The following PNPLA8 variants were observed in gnomAD, a reference collection of about 807,000 sequenced individuals.
PNPLA8 encodes calcium-independent phospholipase A2-gamma.
A neutral mutation model predicts 76.9 loss-of-function variants in PNPLA8; 39 were observed. That is an observed-to-expected ratio of 0.51 (90% CI 0.39 to 0.66). PNPLA8 has a LOEUF of 0.66. Among genes scored for constraint, PNPLA8 ranks in the 30% least tolerant of loss-of-function variants. The pLI, the probability that PNPLA8 is intolerant of heterozygous loss-of-function variation, is 0.00. For synonymous variants in PNPLA8, 301 were observed against 307.9 expected (o/e 0.98, Z 0.24); for missense variants, 887 against 918.0 (o/e 0.97, Z 0.44).
chr7:108,481,563 T>A (rs1056340738), intron 9 of PNPLA8, among the ~76,000 whole-genome samples: 2 of 152,238 alleles, frequency 1.3e-5, no homozygotes, highest in African/African-American at 4.8e-5. Flanking sequence ...GAGAGTTTCT[T>A]ATATATTCTA....
intron 8 of PNPLA8, among the ~76,000 whole-genome samples, chr7:108,489,994 C>G (rs1598893276): frequency 6.6e-6 from 1 of 152,152 alleles, no homozygotes; most frequent in African/African-American, 2.4e-5. Context: ...CATTGCATAT[C>G]AATGTTTTGG....
intron 8 of PNPLA8, among the ~76,000 whole-genome samples, chr7:108,490,323 C>G (rs1239790253): frequency 6.6e-6 from 1 of 152,014 alleles, no homozygotes. Flanking sequence ...ACCATTTAGC[C>G]TACATGTGTA....
Position 108,496,710 on chromosome 7 carries a change from T to G in PNPLA8, c.1499A>C (p.Asp500Ala). ...TTTTCGATAAAGTTCCTCACATTCA[T>G]CCAAGGGCATATGAAACAACCCCAA... ...FMLGLFHMPL[D>A]ECEELYRKLG... is the part of the protein sequence containing the mutation. Residue 500 changes from aspartate (D) to alanine (A), a missense_variant, in exon 7 of 11, where the codon GAT becomes GCT. Coordinates refer to ENST00000257694, the MANE Select transcript of PNPLA8 (RefSeq NM_001256007.3). 6.2e-7 allele frequency: 1 copy of G among 1,611,266 alleles called. No homozygotes were observed. Among genetic ancestry groups the G allele is most frequent in the Non-Finnish European group, 8.5e-7 (1 of 1,178,798 alleles).
At chr7:108,474,511 G>C (rs1270599642) in intron 10 of PNPLA8, among the ~76,000 whole-genome samples, 1 of 152,204 alleles carries the variant, frequency 6.6e-6, no homozygotes, top group Non-Finnish European at 1.5e-5. Flanking sequence ...TAGAATAAGT[G>C]AGTTTAGCAA....
At chr7:108,520,949 A>G (rs1863691595) in intron 2 of PNPLA8, among the ~76,000 whole-genome samples, 1 of 152,164 alleles carries the variant, frequency 6.6e-6, no homozygotes, top group African/African-American at 2.4e-5. Flanking sequence ...CTCAAAGTCA[A>G]CAGTAAAAAA....
intron 7 of PNPLA8, among the ~76,000 whole-genome samples, chr7:108,496,110 G>T (rs886712561): frequency 6.6e-6 from 1 of 152,104 alleles, no homozygotes; most frequent in African/African-American, 2.4e-5. Flanking sequence ...TGGTGCACAC[G>T]TGTGGTCCCA....
At chr7:108,505,258 G>C (rs1862259075) in intron 4 of PNPLA8, among the ~76,000 whole-genome samples, 1 of 119,300 alleles carries the variant, frequency 8.4e-6, no homozygotes, top group Admixed American at 9.7e-5. Flanking sequence ...AGATAGAAGA[G>C]TAAAAGGCAA....
At chr7:108,506,424 G>A (rs1338596892) in intron 4 of PNPLA8, among the ~76,000 whole-genome samples, 2 of 151,648 alleles carry the variant, frequency 1.3e-5, no homozygotes, top group African/African-American at 4.8e-5. Context: ...GTAGAACACA[G>A]AGGCCTCATA....
chr7:108,490,590 T>C (rs1861081651), intron 8 of PNPLA8, among the ~76,000 whole-genome samples: 1 of 152,010 alleles, frequency 6.6e-6, no homozygotes, highest in Non-Finnish European at 1.5e-5. Context: ...GAGACTATCC[T>C]GGCTAACATG....
At chr7:108,479,857 T>C (rs1326565209) in intron 9 of PNPLA8, among the ~76,000 whole-genome samples, 1 of 152,116 alleles carries the variant, frequency 6.6e-6, no homozygotes, top group Non-Finnish European at 1.5e-5. Flanking sequence ...ATAACGTAAA[T>C]AACAGAATAA....
intron 4 of PNPLA8, among the ~76,000 whole-genome samples, chr7:108,505,330 ATATATATATATATATATATATATTTTTT>A (rs1862299784): frequency 1.9e-4 from 1 of 5,218 alleles, no homozygotes; most frequent in African/African-American, 9.6e-4. Context: ...ATATATATAT[ATATATATATATATATATATATATTTTTT>A]TTTTTTTTTT....
chr7:108,514,729 C>T lies in PNPLA8; in HGVS notation c.763G>A (p.Ala255Thr). 4 of 1,613,736 alleles carry T rather than the reference C, an allele frequency of 2.5e-6. No homozygotes were observed. Among genetic ancestry groups the T allele is most frequent in the Non-Finnish European group, 2.5e-6 (3 of 1,179,728 alleles). Reference protein sequence around the residue: ...KLRSPDPGILAYKPGSESVHT... With the variant: ...KLRSPDPGILTYKPGSESVHT... ...ACAGATTCTGAGCCTGGCTTATAAG[C>T]CAGGATGCCAGGATCTGGAGATCTT... is the stretch of plus-strand genomic sequence containing the variant. The change falls in exon 3 of 11, where the codon GCT (alanine) becomes ACT (threonine). Residue 255 changes from alanine (A) to threonine (T), a missense_variant. Transcript: ENST00000257694.
intron 10 of PNPLA8, 24 bp downstream of exon 10, chr7:108,479,160 T>C: frequency 1.9e-6 from 3 of 1,558,018 alleles, no homozygotes; most frequent in Non-Finnish European, 1.8e-6. Context: ...GTTGAAGTAT[T>C]TTAAAGCAGC....
Position 108,515,524 on chromosome 7 carries a change from T to C in PNPLA8, c.-33A>G. ...AAATCATTTATTTTCTATGACATTCTCTCACTTCTTGAACGCTTCATTTAA... is the reference window on the plus strand; with the variant it reads ...AAATCATTTATTTTCTATGACATTCCCTCACTTCTTGAACGCTTCATTTAA... On this transcript the variant is annotated 5_prime_UTR_variant, in exon 3 of 11. Transcript: ENST00000257694. 1 of 1,359,570 alleles carries C rather than the reference T, an allele frequency of 7.4e-7. No individual in the cohort carries two copies. Among genetic ancestry groups the C allele is most frequent in the Non-Finnish European group, 9.5e-7 (1 of 1,050,968 alleles). 84.2% of individuals were successfully genotyped at this position (1,359,570 alleles called of 1,614,324 possible).
intron 10 of PNPLA8, among the ~76,000 whole-genome samples, chr7:108,475,110 C>T (rs534059694): frequency 2.0e-5 from 3 of 152,128 alleles, no homozygotes; most frequent in Non-Finnish European, 2.9e-5. Context: ...ATCTAGGTTG[C>T]GTGCTCCTTA....
At chr7:108,525,288 A>G (rs1563998898) in intron 1 of PNPLA8, among the ~76,000 whole-genome samples, 1 of 152,224 alleles carries the variant, frequency 6.6e-6, no homozygotes, top group Non-Finnish European at 1.5e-5. Context: ...GTCATTTTTG[A>G]ACTCTCAGAA....
chr7:108,502,348 C>A (rs1322866908), intron 5 of PNPLA8, 143 bp downstream of exon 5: 5 of 620,008 alleles, frequency 8.1e-6, no homozygotes, highest in Non-Finnish European at 1.0e-5. Context: ...GAGGGTGAGG[C>A]AGGAGAATCG....
At chr7:108,473,069 T>C (rs187583721) in intron 10 of PNPLA8, among the ~76,000 whole-genome samples, 27 of 152,340 alleles carry the variant, frequency 1.8e-4, no homozygotes, top group African/African-American at 6.3e-4. Flanking sequence ...TGTATACACT[T>C]GTGTAAGCAC....
chr7:108,501,885 A>C (rs1003534189), intron 5 of PNPLA8, among the ~76,000 whole-genome samples: 3 of 152,164 alleles, frequency 2.0e-5, no homozygotes, highest in African/African-American at 7.2e-5. Context: ...TTTTATGAGA[A>C]TAATGGTTGA....
Sources: gnomAD v4.1 joint callset for allele counts (sites outside exome capture counted in the v4.1 genomes callset) on GRCh38, gnomAD v4.1.1 for gene constraint, MANE v1.5 for transcripts, NCBI Gene and HGNC (gene_info 2026-07-23, HGNC 2026-07-21) for gene names.